The following POTEC variants were observed in gnomAD, a reference collection of about 807,000 sequenced individuals.
POTEC encodes ANKRD26-like family B member 2.
A neutral mutation model predicts 62.0 loss-of-function variants in POTEC; 35 were observed. That is an observed-to-expected ratio of 0.56 (90% CI 0.43 to 0.75). POTEC has a LOEUF of 0.75. POTEC is among the 30% of genes least tolerant of loss of function. The pLI, the probability that POTEC is intolerant of heterozygous loss-of-function variation, is 0.00. For missense variants in POTEC, 472 were observed against 655.9 expected (o/e 0.72, Z 3.06); for synonymous variants, 156 against 221.5 (o/e 0.70, Z 2.62).
At chr18:14,521,362 A>C (rs544608240) in intron 9 of POTEC, among the ~76,000 whole-genome samples, 158 of 152,344 alleles carry the variant, frequency 1.0e-3, no homozygotes, top group South Asian at 2.9e-3. Flanking sequence ...ATTGTGAAAT[A>C]ATCAGTATAC....
In POTEC at chr18:14,520,734, C is replaced by G. The variant is rs1201381374; in HGVS notation, c.1409+1520G>C. On this transcript the variant is annotated intron_variant, in intron 9 of 10. Coordinates refer to ENST00000358970, the MANE Select transcript of POTEC (RefSeq NM_001137671.2). The stretch of plus-strand genomic sequence containing the variant: ...AGCACACGGGTCAGCAAATTAGCAC[C>G]TGTGGGCCAAATCCAGCCCACTGCC... Among the ~76,000 whole-genome samples the G allele has an allele frequency of 2.0e-5, 3 of 152,050 alleles. No homozygotes were observed. The East Asian group carries it at 5.8e-4, about 30-fold the overall frequency.
At chr18:14,534,474 T>C (rs1905639953) in intron 4 of POTEC, among the ~76,000 whole-genome samples, 1 of 151,772 alleles carries the variant, frequency 6.6e-6, no homozygotes, top group South Asian at 2.1e-4. Context: ...GTTGAAAAGA[T>C]AAAAGGATTT....
rs1350181450 is a variant in POTEC at position 14,511,808 on chromosome 18, C to A, written c.*90G>T. The A allele has an allele frequency of 1.6e-6, 2 of 1,263,910 alleles. No homozygotes were observed. Among genetic ancestry groups the A allele is most frequent in the African/African-American group, 1.5e-5 (1 of 65,590 alleles). 78.3% of individuals were successfully genotyped at this position (1,263,910 alleles called of 1,614,324 possible). On this transcript the variant is annotated 3_prime_UTR_variant, in exon 11 of 11. Coordinates refer to ENST00000358970, the MANE Select transcript of POTEC (RefSeq NM_001137671.2). ...AATGCTTCTTCATTCAATTGCATAG[C>A]CCTTAGAAGTTTATCAGTCTTTTCT...
chr18:14,513,556 CACGT>C, intron 10 of POTEC, 102 bp downstream of exon 10: 1 of 1,488,558 alleles, frequency 6.7e-7, no homozygotes, highest in Admixed American at 2.2e-5. Context: ...CACACACACA[CACGT>C]GTGTATATAT....
In POTEC at chr18:14,536,112, A is replaced by G. The variant is rs796115380; in HGVS notation, c.811-1105T>C. 2.3e-4 allele frequency among the ~76,000 whole-genome samples: 35 copies of G among 151,826 alleles called. No individual in the cohort carries two copies. The East Asian group carries it at 6.3e-3, about 27-fold the overall frequency. On this transcript the variant is annotated intron_variant, in intron 3 of 10. Transcript: ENST00000358970. ...GCAAAAACCTCATCTCTACTAAAAA[A>G]AAAATACAAAAACAGATTGGAGGAC...
Position 14,542,769 on chromosome 18 carries a change from G to T in POTEC, c.378C>A (p.Ser126Arg). The T allele has an allele frequency of 6.2e-7, 1 of 1,613,670 alleles. No homozygotes were observed. The highest frequency in any genetic ancestry group is 1.3e-5 in the African/African-American group (1 of 74,996). ...CGTGGTACCTCGGCTCCATGAAGGC[G>T]CTGTCGTCGTAGTCTCCCCAAGCGC... Reference protein sequence around the residue: ...NVGAWGDYDDSAFMEPRYHVR... With the variant: ...NVGAWGDYDDRAFMEPRYHVR... Residue 126 changes from serine (S) to arginine (R), a missense_variant, in exon 1 of 11, where the codon AGC (serine) becomes AGA (arginine). By Grantham distance (110) the Ser-to-Arg change is moderately radical. Coordinates refer to ENST00000358970, the MANE Select transcript of POTEC (RefSeq NM_001137671.2).
chr18:14,516,935 G>A (rs916221309), intron 9 of POTEC, among the ~76,000 whole-genome samples: 2 of 151,120 alleles, frequency 1.3e-5, no homozygotes, highest in Non-Finnish European at 1.5e-5. Flanking sequence ...AAAGAGAGTA[G>A]AGTATCACTA....
chr18:14,527,988 AC>A (rs1910481404), intron 6 of POTEC: 1 of 152,218 alleles, frequency 6.6e-6, no homozygotes. Flanking sequence ...GCTATAGGCC[AC>A]AGGCCAAATC....
intron 1 of POTEC, among the ~76,000 whole-genome samples, chr18:14,540,043 T>C (rs1265077379): frequency 2.0e-5 from 3 of 152,042 alleles, no homozygotes; most frequent in African/African-American, 4.8e-5. Flanking sequence ...GTAACGATCA[T>C]TTATATTTGC....
chr18:14,529,483 A>C (rs1905428037), intron 6 of POTEC, among the ~76,000 whole-genome samples: 1 of 152,184 alleles, frequency 6.6e-6, no homozygotes, highest in South Asian at 2.1e-4. Context: ...CCTAACTTAC[A>C]GAAGCTTTTT....
intron 6 of POTEC, 98 bp from the exon 7 acceptor site, chr18:14,525,081 AT>A (rs1910403330): frequency 6.6e-7 from 1 of 1,518,904 alleles, no homozygotes; most frequent in Non-Finnish European, 8.9e-7. Context: ...ATTTTATTTT[AT>A]TTCATAAATT....
intron 10 of POTEC, among the ~76,000 whole-genome samples, chr18:14,512,368 C>T (rs187158515): frequency 3.3e-5 from 5 of 152,324 alleles, no homozygotes; most frequent in Admixed American, 3.3e-4. Context: ...AGAGCCTTAG[C>T]TATGCGTATA....
chr18:14,517,184 AAT>A (rs1440307407), intron 9 of POTEC, among the ~76,000 whole-genome samples: 2 of 151,918 alleles, frequency 1.3e-5, no homozygotes, highest in African/African-American at 4.8e-5. Context: ...TGGAATATAA[AAT>A]AGTTTCATTT....
At chr18:14,522,212 C>T (rs775269313) in intron 9 of POTEC, 42 bp downstream of exon 9, 11 of 1,600,566 alleles carry the variant, frequency 6.9e-6, no homozygotes, top group Non-Finnish European at 9.3e-6. Context: ...ATTAGTTTGA[C>T]AGCATATAGT....
At chr18:14,515,288 C>T (rs1910116302) in intron 9 of POTEC, among the ~76,000 whole-genome samples, 1 of 152,138 alleles carries the variant, frequency 6.6e-6, no homozygotes, top group African/African-American at 2.4e-5. Context: ...ATCACATTAC[C>T]TGACTTCAAA....
chr18:14,542,737 C>T lies in POTEC; in HGVS notation c.410G>A (p.Arg137Gln), dbSNP rs568578586. The T allele has an allele frequency of 6.8e-6, 11 of 1,613,344 alleles. No individual in the cohort carries two copies. Among genetic ancestry groups the T allele is most frequent in the Middle Eastern group, 3.6e-4 (2 of 5,574 alleles). The change falls in exon 1 of 11, where the codon CGA (arginine) becomes CAA (glutamine). Residue 137 changes from arginine (R) to glutamine (Q), a missense_variant. Arg to Gln is a conservative substitution (Grantham distance 43). Coordinates refer to ENST00000358970, the MANE Select transcript of POTEC (RefSeq NM_001137671.2). ...AFMEPRYHVRREDLDKLHRAA... is the reference protein window; with the variant it reads ...AFMEPRYHVRQEDLDKLHRAA... ...TCTGTGGAGCTTGTCCAGATCTTCT[C>T]GACGGACGTGGTACCTCGGCTCCAT...
intron 6 of POTEC, chr18:14,528,886 A>G (rs1228654431): frequency 4.4e-6 from 2 of 450,766 alleles, no homozygotes; most frequent in East Asian, 1.4e-4. Flanking sequence ...TACTAGCAAA[A>G]GTGAACTGCT....
chr18:14,511,644 TAGTC>T lies in POTEC; in HGVS notation c.*250_*253del. On this transcript the variant is annotated 3_prime_UTR_variant, in exon 11 of 11. Transcript: ENST00000358970. ...CTTTGATCACAATCATGTAGAGCAG[TAGTC>T]AGTCTACAATGACATGATTGAATTT... 1 of 566,834 alleles carries T rather than the reference TAGTC, an allele frequency of 1.8e-6. No homozygotes were observed. The highest frequency in any genetic ancestry group is 2.1e-5 in the South Asian group (1 of 47,642). The allele number at this position is 566,834 out of a possible 1,614,324, so 35.1% of individuals were successfully genotyped here.
At chr18:14,515,166 G>T (rs1910113618) in intron 9 of POTEC, among the ~76,000 whole-genome samples, 1 of 152,082 alleles carries the variant, frequency 6.6e-6, no homozygotes, top group East Asian at 1.9e-4. Flanking sequence ...TTCTACCAAA[G>T]TACCAATGTC....
Sources: gnomAD v4.1 joint callset for allele counts (sites outside exome capture counted in the v4.1 genomes callset) on GRCh38, gnomAD v4.1.1 for gene constraint, MANE v1.5 for transcripts, NCBI Gene and HGNC (gene_info 2026-07-23, HGNC 2026-07-21) for gene names.